Variants in DGKD observed in about 807,000 individuals in gnomAD.
DGKD encodes diacylglycerol kinase delta, also known as DAG kinase delta.
DGKD carries 68 observed loss-of-function variants against 154.4 expected under a neutral mutation model. That is an observed-to-expected ratio of 0.44 (90% CI 0.36 to 0.54). The LOEUF is 0.54. DGKD is among the 20% of genes least tolerant of loss of function. The pLI, the probability that DGKD is intolerant of heterozygous loss-of-function variation, is 0.00. For missense variants in DGKD, 1,343 were observed against 1,593.6 expected, an observed-to-expected ratio of 0.84 and a Z score of 2.68; for synonymous variants, 693 against 638.0, an observed-to-expected ratio of 1.09 and a Z score of -1.30.
intron 1 of DGKD, among the ~76,000 whole-genome samples, chr2:233,383,645 A>G (rs916878841): frequency 6.6e-6 from 1 of 152,192 alleles, no homozygotes; most frequent in Admixed American, 6.5e-5. Context: ...CCAGGAGCTC[A>G]CGCGTGTGGT....
intron 10 of DGKD, 125 bp downstream of exon 10, chr2:233,442,120 T>G: frequency 1.1e-6 from 1 of 941,844 alleles, no homozygotes. Context: ...ATTGGTGGTT[T>G]TGGGGAGTGT....
At chr2:233,465,829 C>G (rs2063806139) in intron 27 of DGKD, among the ~76,000 whole-genome samples, 1 of 151,920 alleles carries the variant, frequency 6.6e-6, no homozygotes, top group Non-Finnish European at 1.5e-5. Flanking sequence ...ATATTGCTCA[C>G]AAGAGCCCTG....
At chr2:233,443,313 AT>A (rs906306395) in intron 10 of DGKD, among the ~76,000 whole-genome samples, 2 of 150,330 alleles carry the variant, frequency 1.3e-5, no homozygotes, top group African/African-American at 2.4e-5. Flanking sequence ...ACCTGTTCAT[AT>A]TTTTTTTTGC....
chr2:233,443,271 T>G (rs1460664181), intron 10 of DGKD, among the ~76,000 whole-genome samples: 1 of 152,254 alleles, frequency 6.6e-6, no homozygotes, highest in African/African-American at 2.4e-5. Flanking sequence ...GTTGAACGCC[T>G]CCTCAGTTGG....
chr2:233,405,738 T>A (rs1327713972), intron 3 of DGKD, among the ~76,000 whole-genome samples: 1 of 152,190 alleles, frequency 6.6e-6, no homozygotes, highest in Non-Finnish European at 1.5e-5. Flanking sequence ...AATAAACTTC[T>A]GTTCATTTAA....
rs939654270 is a variant in DGKD, at chr2:233,464,296, T to C, written c.3306+13T>C. The C allele has an allele frequency of 1.2e-6, 2 of 1,612,882 alleles. No homozygotes were observed. The highest frequency in any genetic ancestry group is 2.7e-5 in the African/African-American group (2 of 75,042). On this transcript the variant is annotated intron_variant, in intron 27 of 29. Transcript: ENST00000264057. ...CGGCGACGAAGAGGTATGTGGCTCA[T>C]AGGGCTGTGCCTGGGTCTCCCGGAC...
At chr2:233,357,285 AG>A (rs1417738711) in intron 1 of DGKD, among the ~76,000 whole-genome samples, 4 of 152,320 alleles carry the variant, frequency 2.6e-5, no homozygotes, top group African/African-American at 9.6e-5. Flanking sequence ...AGAAGGACAA[AG>A]AATGGATCTG....
At chr2:233,433,721 A>G (rs1284841793) in intron 3 of DGKD, among the ~76,000 whole-genome samples, 2 of 152,252 alleles carry the variant, frequency 1.3e-5, no homozygotes, top group Non-Finnish European at 2.9e-5. Flanking sequence ...ACCCACAAAA[A>G]AAATTAAAAA....
At chr2:233,385,504 A>G (rs1703124136) in intron 1 of DGKD, among the ~76,000 whole-genome samples, 1 of 152,054 alleles carries the variant, frequency 6.6e-6, no homozygotes, top group Non-Finnish European at 1.5e-5. Context: ...GGCTTGAACG[A>G]CAGTTGGCCC....
chr2:233,417,004 C>G (rs973555220), intron 3 of DGKD, among the ~76,000 whole-genome samples: 5 of 152,168 alleles, frequency 3.3e-5, no homozygotes, highest in African/African-American at 1.2e-4. Context: ...CTTGGAATTG[C>G]TTACTGTGTC....
chr2:233,377,866 A>G (rs1702662223), intron 1 of DGKD, among the ~76,000 whole-genome samples: 1 of 152,168 alleles, frequency 6.6e-6, no homozygotes, highest in Admixed American at 6.5e-5. Flanking sequence ...GTTGGAGTAC[A>G]GTGGTGCGAT....
intron 1 of DGKD, among the ~76,000 whole-genome samples, chr2:233,380,681 G>GTGT (rs1702849297): frequency 6.6e-6 from 1 of 151,924 alleles, no homozygotes; most frequent in African/African-American, 2.4e-5. Context: ...TGTGTGTGTG[G>GTGT]GGGGGTGTTA....
intron 3 of DGKD, among the ~76,000 whole-genome samples, chr2:233,396,531 T>G (rs528237846): frequency 6.6e-6 from 1 of 152,234 alleles, no homozygotes; most frequent in South Asian, 2.1e-4. Context: ...CATAGAACCT[T>G]AGTTACAGGC....
chr2:233,416,369 G>T (rs2061960811), intron 3 of DGKD, among the ~76,000 whole-genome samples: 1 of 152,110 alleles, frequency 6.6e-6, no homozygotes, highest in Non-Finnish European at 1.5e-5. Flanking sequence ...TTGTCCTAAG[G>T]GTGACACCTG....
intron 26 of DGKD, among the ~76,000 whole-genome samples, 185 bp downstream of exon 26, chr2:233,462,920 G>C (rs6741894): frequency 6.6e-6 from 1 of 152,210 alleles, no homozygotes; most frequent in Non-Finnish European, 1.5e-5. Flanking sequence ...CCCTCAGTCA[G>C]GTTGTCTCAA....
chr2:233,454,895 A>C (rs748772921), intron 19 of DGKD, 22 bp downstream of exon 19: 3 of 1,487,404 alleles, frequency 2.0e-6, no homozygotes, highest in Admixed American at 1.7e-5. Flanking sequence ...GCTCAGGAGC[A>C]CGTCTGTCTT....
At chr2:233,410,268 G>C (rs370890956) in intron 3 of DGKD, among the ~76,000 whole-genome samples, 2 of 152,122 alleles carry the variant, frequency 1.3e-5, no homozygotes, top group Non-Finnish European at 2.9e-5. Context: ...AAAGAGGGGG[G>C]GCTCAAGGGA....
chr2:233,389,902 C>G (rs910686529), intron 2 of DGKD, among the ~76,000 whole-genome samples: 1 of 152,170 alleles, frequency 6.6e-6, no homozygotes, highest in Non-Finnish European at 1.5e-5. Context: ...CAGACCCTTT[C>G]CATTTGGACC....
intron 3 of DGKD, among the ~76,000 whole-genome samples, chr2:233,413,892 A>G (rs1020589236): frequency 6.6e-5 from 10 of 152,222 alleles, no homozygotes; most frequent in South Asian, 2.1e-4. Flanking sequence ...ATTAAAACCT[A>G]TAGTTGGAAT....
Sources: allele counts gnomAD v4.1 joint callset (sites outside exome capture counted in the v4.1 genomes callset), GRCh38; gene constraint gnomAD v4.1.1; transcripts MANE v1.5; gene names NCBI Gene and HGNC (gene_info 2026-07-23, HGNC 2026-07-21).